Variants in IL1RAP observed in about 807,000 individuals in gnomAD.
IL1RAP encodes the protein interleukin 1 receptor accessory protein, also known as interleukin-1 receptor accessory protein.
IL1RAP carries 35 observed loss-of-function variants against 60.7 expected under a neutral mutation model. The observed-to-expected ratio is 0.58, with a 90% CI of 0.44 to 0.76. IL1RAP has a LOEUF of 0.76. IL1RAP is among the 30% of genes least tolerant of loss of function. IL1RAP has a pLI of 0.00. For synonymous variants in IL1RAP, 268 were observed against 250.9 expected (o/e 1.07, Z -0.64); for missense variants, 572 against 693.9 (o/e 0.82, Z 1.97).
At chr3:190,594,611 T>C (rs1729223955) in intron 3 of IL1RAP, among the ~76,000 whole-genome samples, 1 of 152,150 alleles carries the variant, frequency 6.6e-6, no homozygotes, top group African/African-American at 2.4e-5. Flanking sequence ...CACATCCAGG[T>C]GAGAGGCAAG....
At chr3:190,565,480 G>A (rs539164561) in intron 3 of IL1RAP, among the ~76,000 whole-genome samples, 3 of 152,252 alleles carry the variant, frequency 2.0e-5, no homozygotes, top group African/African-American at 4.8e-5. Flanking sequence ...TTCTGGGTGC[G>A]TTTCAGCTTT....
At chr3:190,568,510 A>G (rs1726620390) in intron 3 of IL1RAP, among the ~76,000 whole-genome samples, 1 of 152,214 alleles carries the variant, frequency 6.6e-6, no homozygotes, top group South Asian at 2.1e-4. Flanking sequence ...TCATCTATCC[A>G]ATGATTGGGA....
chr3:190,593,271 T>C (rs1387146896), intron 3 of IL1RAP, among the ~76,000 whole-genome samples: 2 of 152,314 alleles, frequency 1.3e-5, no homozygotes, highest in East Asian at 3.9e-4. Context: ...CGGGTTTGTA[T>C]GCAGTGCCAG....
chr3:190,639,296 C>G (rs906779974), intron 9 of IL1RAP, among the ~76,000 whole-genome samples: 6 of 152,182 alleles, frequency 3.9e-5, no homozygotes, highest in African/African-American at 1.4e-4. Context: ...TAGTGCCCCA[C>G]AGATCACTGA....
At chr3:190,641,754 A>T (rs1733678869) in intron 9 of IL1RAP, among the ~76,000 whole-genome samples, 1 of 152,210 alleles carries the variant, frequency 6.6e-6, no homozygotes, top group Non-Finnish European at 1.5e-5. Flanking sequence ...GTTCATCCAG[A>T]GAGAGCCAAA....
chr3:190,633,952 A>G (rs1732992951), intron 9 of IL1RAP, among the ~76,000 whole-genome samples: 1 of 152,168 alleles, frequency 6.6e-6, no homozygotes, highest in African/African-American at 2.4e-5. Context: ...TTGTTTCCAA[A>G]TTTAGAGGGC....
At chr3:190,545,275 G>A (rs1174038220) in intron 1 of IL1RAP, among the ~76,000 whole-genome samples, 4 of 152,144 alleles carry the variant, frequency 2.6e-5, no homozygotes, top group African/African-American at 9.7e-5. Context: ...ATGCATATCT[G>A]CCACCCTAGG....
At chr3:190,652,572 C>A (rs1161556402), downstream of IL1RAP, among the ~76,000 whole-genome samples, 6 of 152,110 alleles carry the variant, frequency 3.9e-5, no homozygotes, top group Admixed American at 3.3e-4. Context: ...TGCAAACCAG[C>A]CCCAAAAGTG....
intron 9 of IL1RAP, among the ~76,000 whole-genome samples, chr3:190,642,922 A>G (rs550915053): frequency 1.3e-5 from 2 of 152,290 alleles, no homozygotes; most frequent in African/African-American, 4.8e-5. Context: ...CAAACACTTA[A>G]ACTTCATTAT....
chr3:190,628,304 T>C (rs1481127478), intron 8 of IL1RAP, among the ~76,000 whole-genome samples: 2 of 152,184 alleles, frequency 1.3e-5, no homozygotes, highest in Non-Finnish European at 2.9e-5. Context: ...TATTGATCTT[T>C]TTTAGGAATT....
exon 12 of IL1RAP, chr3:190,658,675 G>A (rs79548924): frequency 0.1 from 15,818 of 152,164 alleles, 1,854 homozygotes; most frequent in African/African-American, 0.28. Flanking sequence ...AGTGTCAGTG[G>A]CTCCCGGTCA....
intron 1 of IL1RAP, among the ~76,000 whole-genome samples, chr3:190,520,337 C>A (rs1721906502): frequency 6.6e-6 from 1 of 152,114 alleles, no homozygotes; most frequent in African/African-American, 2.4e-5. Flanking sequence ...TTAGTTGTGT[C>A]AAAGTTTGCC....
chr3:190,629,129 T>C (rs1732558376), intron 8 of IL1RAP, among the ~76,000 whole-genome samples: 1 of 152,198 alleles, frequency 6.6e-6, no homozygotes, highest in African/African-American at 2.4e-5. Flanking sequence ...TGGGATTTGG[T>C]CTAGACAATG....
At chr3:190,560,676 C>G (rs3773988) in intron 2 of IL1RAP, among the ~76,000 whole-genome samples, 21,396 of 152,098 alleles carry the variant, frequency 0.14, 1,778 homozygotes, top group African/African-American at 0.23. Context: ...CACAGCAAAC[C>G]TAGTTTCAGC....
chr3:190,655,153 C>T (rs1251625430), downstream of IL1RAP, among the ~76,000 whole-genome samples: 1 of 152,140 alleles, frequency 6.6e-6, no homozygotes, highest in African/African-American at 2.4e-5. Context: ...AAGGATATAA[C>T]TGAGAATCTT....
intron 3 of IL1RAP, chr3:190,564,780 T>C (rs566854908): frequency 5.4e-6 from 1 of 186,294 alleles, no homozygotes; most frequent in African/African-American, 2.3e-5. Flanking sequence ...TTTTGTCATA[T>C]TGTTTCTATA....
chr3:190,616,564 G>A (rs1386958657), intron 5 of IL1RAP, among the ~76,000 whole-genome samples: 1 of 152,090 alleles, frequency 6.6e-6, no homozygotes, highest in Non-Finnish European at 1.5e-5. Flanking sequence ...ACTCTTCTAA[G>A]ACTTCATAGC....
intron 3 of IL1RAP, among the ~76,000 whole-genome samples, chr3:190,569,008 T>C (rs73198295): frequency 0.011 from 1,723 of 152,286 alleles, 12 homozygotes; most frequent in Non-Finnish European, 0.017. Flanking sequence ...TCAGGAGATA[T>C]TGGGGAAGAC....
intron 1 of IL1RAP, among the ~76,000 whole-genome samples, chr3:190,524,874 A>T (rs1722375655): frequency 6.6e-6 from 1 of 152,122 alleles, no homozygotes; most frequent in Non-Finnish European, 1.5e-5. Context: ...ATATACACAC[A>T]TATATATACA....
Sources: gnomAD v4.1 joint callset for allele counts (sites outside exome capture counted in the v4.1 genomes callset) on GRCh38, gnomAD v4.1.1 for gene constraint, MANE v1.5 for transcripts, NCBI Gene and HGNC (gene_info 2026-07-23, HGNC 2026-07-21) for gene names.